The following DIPK1A variants were observed in gnomAD, a reference collection of about 807,000 sequenced individuals.
The protein encoded by DIPK1A is divergent protein kinase domain 1A.
A neutral mutation model predicts 40.8 loss-of-function variants in DIPK1A; 27 were observed. That is an observed-to-expected ratio of 0.66 (90% confidence interval 0.49 to 0.91). The LOEUF (loss-of-function observed/expected upper bound fraction) is 0.91. DIPK1A is among the 40% of genes least tolerant of loss of function. DIPK1A has a pLI of 0.00. For missense variants in DIPK1A, 412 were observed against 505.7 expected, an observed-to-expected ratio of 0.81 and a Z score of 1.78; for synonymous variants, 166 against 171.3, an observed-to-expected ratio of 0.97 and a Z score of 0.24.
rs375274746 is a variant in DIPK1A, at chr1:92,913,421, T to C, written c.55-36991A>G. The stretch of plus-strand genomic sequence containing the variant: ...CTGGTCTATTCATTTGTGTACCTAG[T>C]TGGAGAACATTTCTGCTTCGAGAAG... On this transcript the variant is annotated intron_variant, in intron 1 of 4. Coordinates refer to ENST00000370310, the MANE Select transcript of DIPK1A (RefSeq NM_001006605.5). Among the ~76,000 whole-genome samples, 58 of 152,274 alleles carry C rather than the reference T, an allele frequency of 3.8e-4. 2 individuals carry two copies. In the South Asian group the frequency reaches 0.012, roughly 31 times the overall value.
chr1:92,932,048 A>G (rs1650769627), intron 1 of DIPK1A: 3 of 539,702 alleles, frequency 5.6e-6, no homozygotes, highest in South Asian at 5.0e-5. Flanking sequence ...AATAAAATTG[A>G]TAAAACTTTC....
chr1:92,842,908 T>C lies in DIPK1A; in HGVS notation c.*475A>G, dbSNP rs1334682039. 1 of 987,726 alleles carries C rather than the reference T, an allele frequency of 1.0e-6. No homozygotes were observed. The highest frequency in any genetic ancestry group is 1.2e-6 in the Non-Finnish European group (1 of 831,626). The allele number at this position is 987,726 out of a possible 1,614,324, so 61.2% of individuals were successfully genotyped here. On this transcript the variant is annotated 3_prime_UTR_variant, in exon 5 of 5. Transcript: ENST00000370310. The stretch of plus-strand genomic sequence containing the variant: ...CATGCTATTAACCCAACATCTGTTT[T>C]ATAAAGAAGCAAGTTTAACCTGCTT...
At chr1:92,862,932 G>T (rs1647346684) in intron 2 of DIPK1A, among the ~76,000 whole-genome samples, 1 of 152,110 alleles carries the variant, frequency 6.6e-6, no homozygotes, top group African/African-American at 2.4e-5. Flanking sequence ...AAGCCTTCTG[G>T]GACCTTCTTC....
At chr1:92,868,337 G>A (rs1013951045) in intron 2 of DIPK1A, among the ~76,000 whole-genome samples, 7 of 152,116 alleles carry the variant, frequency 4.6e-5, no homozygotes, top group African/African-American at 1.4e-4. Context: ...ATTTAAAAAC[G>A]TACATGGTGT....
At chr1:92,922,328 C>CT (rs769055257) in intron 1 of DIPK1A, among the ~76,000 whole-genome samples, 17 of 112,294 alleles carry the variant, frequency 1.5e-4, no homozygotes, top group African/African-American at 5.2e-4. Flanking sequence ...AGAAATTTTT[C>CT]TTTTCTTTTT....
At chr1:92,908,068 A>G (rs1027411028) in intron 1 of DIPK1A, among the ~76,000 whole-genome samples, 1 of 152,148 alleles carries the variant, frequency 6.6e-6, no homozygotes, top group Non-Finnish European at 1.5e-5. Context: ...CCATTTTCAA[A>G]AACACTGAAG....
In DIPK1A at chr1:92,836,459, T is replaced by G. The variant is rs146547491; in HGVS notation, c.475-3425A>C. The G allele has an allele frequency of 5.1e-4, 732 of 1,427,336 alleles. 2 individuals carry two copies. Among genetic ancestry groups the G allele is most frequent in the Non-Finnish European group, 6.9e-4 (694 of 1,011,690 alleles). 88.4% of individuals were successfully genotyped at this position (1,427,336 alleles called of 1,614,324 possible). A position where few individuals can be genotyped will look rare whatever the true frequency, so the allele number is the denominator to read the frequency against. ...CTTCCCTGTTTTTAACTAGTTGGAC[T>G]GTGGAGATAACCGAATTAAAGTAGC... On this transcript the variant is annotated intron_variant, in intron 4 of 4. Transcript: ENST00000615519.
chr1:92,937,629 A>G (rs1392725092), intron 1 of DIPK1A, among the ~76,000 whole-genome samples: 1 of 152,088 alleles, frequency 6.6e-6, no homozygotes, highest in Non-Finnish European at 1.5e-5. Context: ...TGCTTTTTAA[A>G]AAATCTCAGT....
rs779379742 is a variant in DIPK1A, at chr1:92,876,426, C to T, written c.59G>A (p.Arg20His). 2.4e-5 allele frequency: 39 copies of T among 1,611,088 alleles called. No homozygotes were observed. The Middle Eastern group carries it at 1.6e-3, about 68-fold the overall frequency. ...ATATTTCATCCGCACATATGAGAAG[C>T]GAGCCTGTGAGTAAAAAAGAACATA... ...WLRKPYYLQA[R>H]FSYVRMKYLF... The change falls in exon 2 of 5, where the codon CGC becomes CAC. Residue 20 changes from arginine (R) to histidine (H), a missense_variant. Transcript: ENST00000370310.
At position 92,842,647 on chromosome 1, in the gene DIPK1A, T is replaced by C. The variant is rs553833270; in HGVS notation, c.*736A>G. The C allele has an allele frequency of 1.0e-6, 1 of 985,334 alleles. No homozygotes were observed. 61.0% of individuals were successfully genotyped at this position (985,334 alleles called of 1,614,324 possible). ...TTTCACATAGTTCAAAATCAGGATA[T>C]GTGGATCTTGATTGGGCCTTAAGAT... On this transcript the variant is annotated 3_prime_UTR_variant, in exon 5 of 5. Transcript: ENST00000370310.
chr1:92,834,273 T>C (rs1687030936), intron 4 of DIPK1A, among the ~76,000 whole-genome samples: 3 of 152,194 alleles, frequency 2.0e-5, no homozygotes, highest in African/African-American at 7.2e-5. Flanking sequence ...TGCTTATTCT[T>C]TGAAATAGGT....
chr1:92,907,458 G>A (rs1398274117), intron 1 of DIPK1A, among the ~76,000 whole-genome samples: 2 of 151,954 alleles, frequency 1.3e-5, no homozygotes, highest in African/African-American at 4.8e-5. Flanking sequence ...AAGTTTTTTA[G>A]AGACAGGGTC....
downstream of DIPK1A, chr1:92,842,161 G>A (rs1687391596): frequency 9.7e-7 from 1 of 1,032,404 alleles, no homozygotes; most frequent in Non-Finnish European, 1.2e-6. Flanking sequence ...AACCATCAGT[G>A]GGAAATATTT....
intron 1 of DIPK1A, among the ~76,000 whole-genome samples, chr1:92,951,861 C>T (rs1003303032): frequency 6.6e-6 from 1 of 151,944 alleles, no homozygotes; most frequent in African/African-American, 2.4e-5. Flanking sequence ...TATTTATCAA[C>T]TGCTAACATT....
intron 1 of DIPK1A, among the ~76,000 whole-genome samples, 173 bp downstream of exon 1, chr1:92,961,203 C>A (rs1410425998): frequency 1.4e-5 from 2 of 140,732 alleles, no homozygotes; most frequent in Non-Finnish European, 3.1e-5. Context: ...TCGGCAGAGC[C>A]GCTGAGGGGG....
At chr1:92,840,719 G>A (rs142590488), downstream of DIPK1A, 3,999 of 1,022,024 alleles carry the variant, frequency 3.9e-3, 74 homozygotes, top group African/African-American at 0.024. Context: ...TGGTGTAATT[G>A]TGCAAACTCG....
intron 1 of DIPK1A, among the ~76,000 whole-genome samples, chr1:92,927,407 G>A (rs1253993434): frequency 1.5e-5 from 2 of 130,942 alleles, no homozygotes; most frequent in East Asian, 4.9e-4. Context: ...AGATCTTACT[G>A]TGTTGCCCAG....
Position 92,843,250 on chromosome 1 carries a change from C to CT in DIPK1A, c.*132dup. 1 of 1,441,380 alleles carries CT rather than the reference C, an allele frequency of 6.9e-7. No homozygotes were observed. The highest frequency in any genetic ancestry group is 9.1e-7 in the Non-Finnish European group (1 of 1,097,708). 89.3% of individuals were successfully genotyped at this position (1,441,380 alleles called of 1,614,324 possible). A position where few individuals can be genotyped will look rare whatever the true frequency, so the allele number is the denominator to read the frequency against. ...CTGCCATTACTTCAGTGATCACATA[C>CT]TGATGGCTTCTCAGGCCTGGGGGGA... On this transcript the variant is annotated 3_prime_UTR_variant, in exon 5 of 5. Coordinates refer to ENST00000370310, the MANE Select transcript of DIPK1A (RefSeq NM_001006605.5).
chr1:92,896,502 A>C (rs1314859314), intron 1 of DIPK1A, among the ~76,000 whole-genome samples: 1 of 152,000 alleles, frequency 6.6e-6, no homozygotes, highest in African/African-American at 2.4e-5. Flanking sequence ...ACAAAAATTA[A>C]TTCAAGATGG....
Sources: allele counts gnomAD v4.1 joint callset (sites outside exome capture counted in the v4.1 genomes callset), GRCh38; gene constraint gnomAD v4.1.1; transcripts MANE v1.5; gene names NCBI Gene and HGNC (gene_info 2026-07-23, HGNC 2026-07-21).